The following MARCHF3 variants were observed in gnomAD, a reference collection of about 807,000 sequenced individuals.
The protein encoded by MARCHF3 is E3 ubiquitin-protein ligase MARCHF3.
In MARCHF3, 13 loss-of-function variants were observed where a neutral mutation model predicts 24.2. The observed-to-expected ratio is 0.54, with a 90% CI of 0.35 to 0.85. The LOEUF is 0.85. MARCHF3 is among the 40% of genes least tolerant of loss of function. The probability of loss-of-function intolerance (pLI) is 0.01; values close to 1 mark genes in which losing one functional copy is unlikely to be tolerated. For missense variants in MARCHF3, 276 were observed against 325.0 expected (o/e 0.85, Z 1.16); for synonymous variants, 144 against 137.3 (o/e 1.05, Z -0.34).
At chr5:126,950,424 C>T (rs995437167) in intron 1 of MARCHF3, among the ~76,000 whole-genome samples, 4 of 151,634 alleles carry the variant, frequency 2.6e-5, no homozygotes, top group East Asian at 1.9e-4. Context: ...TCCCTATCCT[C>T]ACACTCTCAG....
chr5:127,017,552 T>G (rs1056670689), intron 1 of MARCHF3, among the ~76,000 whole-genome samples: 5 of 152,202 alleles, frequency 3.3e-5, no homozygotes, highest in African/African-American at 1.2e-4. Context: ...AACACTTATA[T>G]TAGCTTACCA....
rs918277446 is a variant in MARCHF3, at chr5:126,947,214, C to T, written c.-56-28987G>A. ...ATGCAACTGGCACTAGATTAGCTGCCGACATTTATTGACAAAGGAATTAAT... is the reference window on the plus strand; with the variant it reads ...ATGCAACTGGCACTAGATTAGCTGCTGACATTTATTGACAAAGGAATTAAT... On this transcript the variant is annotated intron_variant, in intron 1 of 4. Transcript: ENST00000308660. Among the ~76,000 whole-genome samples, 10 of 152,208 alleles carry T rather than the reference C, an allele frequency of 6.6e-5. No homozygotes were observed. In the East Asian group the frequency reaches 9.7e-4, roughly 15 times the overall value.
chr5:126,960,019 T>C (rs997635241), intron 1 of MARCHF3, among the ~76,000 whole-genome samples: 4 of 152,096 alleles, frequency 2.6e-5, no homozygotes, highest in African/African-American at 9.7e-5. Flanking sequence ...GGGTTTGAGT[T>C]AGAGTTTTAG....
At chr5:126,914,192 C>T (rs573871361) in intron 3 of MARCHF3, among the ~76,000 whole-genome samples, 3 of 151,848 alleles carry the variant, frequency 2.0e-5, no homozygotes, top group East Asian at 3.9e-4. Flanking sequence ...ACAGTGTTAG[C>T]CAGGATGGTC....
rs534270669 is a variant in MARCHF3 at position 126,868,787 on chromosome 5, T to A, written c.*1846A>T. 3 of 152,348 alleles carry A rather than the reference T, an allele frequency of 2.0e-5. No homozygotes were observed. The highest frequency in any genetic ancestry group is 4.1e-4 in the South Asian group (2 of 4,824). 9.4% of individuals were successfully genotyped at this position (152,348 alleles called of 1,614,324 possible). ...TATTACAGGGCTGCAATTCACCAGC[T>A]ACCAAGTTGGACTCTTTGCTCTGGA... On this transcript the variant is annotated 3_prime_UTR_variant, in exon 5 of 5. Transcript: ENST00000308660.
chr5:126,898,795 C>G (rs1013644953), intron 3 of MARCHF3: 1 of 938,462 alleles, frequency 1.1e-6, no homozygotes, highest in African/African-American at 1.8e-5. Context: ...GACTTTGAAC[C>G]TCACTACTTA....
chr5:126,916,692 G>GACACACAC (rs34090036), intron 2 of MARCHF3, among the ~76,000 whole-genome samples: 13,096 of 130,264 alleles, frequency 0.1, 971 homozygotes, highest in East Asian at 0.24. Context: ...CAGACAGACA[G>GACACACAC]ACACACACAC....
chr5:126,953,568 T>C (rs946376984), intron 1 of MARCHF3, among the ~76,000 whole-genome samples: 2 of 152,238 alleles, frequency 1.3e-5, no homozygotes, highest in African/African-American at 4.8e-5. Flanking sequence ...CCTCAGAAAT[T>C]TGAAGTAATT....
chr5:126,916,741 AC>A lies in MARCHF3; in HGVS notation c.188+1242del, dbSNP rs140875001. Among the ~76,000 whole-genome samples, 1,407 of 151,006 alleles carry A rather than the reference AC, an allele frequency of 9.3e-3. 16 individuals carry two copies. The highest frequency in any genetic ancestry group is 0.033 in the African/African-American group (1,345 of 41,160). On this transcript the variant is annotated intron_variant, in intron 2 of 4. Coordinates refer to ENST00000308660, the MANE Select transcript of MARCHF3 (RefSeq NM_178450.5). Reference sequence around the variant, plus strand: ...CACACACACACACACACAGAGGCTCACAGGTCTCAACCACATCAACCATAGC... The same window carrying A: ...CACACACACACACACACAGAGGCTCAAGGTCTCAACCACATCAACCATAGC...
intron 3 of MARCHF3, among the ~76,000 whole-genome samples, chr5:126,885,861 C>T (rs763280003): frequency 6.6e-6 from 1 of 151,904 alleles, no homozygotes; most frequent in African/African-American, 2.4e-5. Context: ...CCTGTAGTTT[C>T]GATTCAAACT....
chr5:126,968,279 G>A (rs181535200), intron 1 of MARCHF3, among the ~76,000 whole-genome samples: 62 of 152,304 alleles, frequency 4.1e-4, no homozygotes, highest in African/African-American at 1.4e-3. Flanking sequence ...AGGTCATATG[G>A]TGACTATTGT....
chr5:126,922,797 C>G (rs895662521), intron 1 of MARCHF3, among the ~76,000 whole-genome samples: 1 of 152,156 alleles, frequency 6.6e-6, no homozygotes, highest in Non-Finnish European at 1.5e-5. Flanking sequence ...CCGCCCACCT[C>G]GGCCTCCCAA....
intron 3 of MARCHF3, among the ~76,000 whole-genome samples, chr5:126,901,105 A>G (rs1429888762): frequency 3.9e-5 from 6 of 152,088 alleles, no homozygotes; most frequent in African/African-American, 1.4e-4. Context: ...CAGCTTCCTT[A>G]TCTACAGAAT....
chr5:126,920,260 G>A (rs955852080), intron 1 of MARCHF3, among the ~76,000 whole-genome samples: 1 of 152,068 alleles, frequency 6.6e-6, no homozygotes, highest in African/African-American at 2.4e-5. Context: ...TAAAAACTGA[G>A]TTATGGTAGC....
chr5:126,956,483 C>CA (rs1187460645), intron 1 of MARCHF3, among the ~76,000 whole-genome samples: 9 of 151,062 alleles, frequency 6.0e-5, no homozygotes, highest in East Asian at 1.9e-4. Flanking sequence ...ACTAAAAATA[C>CA]AAAAAAACAA....
intron 3 of MARCHF3, among the ~76,000 whole-genome samples, chr5:126,909,419 C>A (rs1215456166): frequency 2.0e-5 from 3 of 152,248 alleles, no homozygotes; most frequent in African/African-American, 7.2e-5. Flanking sequence ...CTCCCCCAGC[C>A]TCGCTGTCGC....
At chr5:126,925,959 A>G (rs1749281500) in intron 1 of MARCHF3, among the ~76,000 whole-genome samples, 1 of 152,230 alleles carries the variant, frequency 6.6e-6, no homozygotes, top group African/African-American at 2.4e-5. Context: ...AATACAAGAG[A>G]AAAACATCTC....
intron 1 of MARCHF3, among the ~76,000 whole-genome samples, chr5:126,931,911 T>A (rs1026074826): frequency 6.6e-6 from 1 of 152,206 alleles, no homozygotes; most frequent in Non-Finnish European, 1.5e-5. Flanking sequence ...CATGTGAGCG[T>A]TGGAGTTAGA....
intron 3 of MARCHF3, among the ~76,000 whole-genome samples, chr5:126,887,468 A>G (rs1216347956): frequency 1.3e-5 from 2 of 152,376 alleles, no homozygotes; most frequent in South Asian, 2.1e-4. Flanking sequence ...CAAAAGTGCT[A>G]AAGAATCATT....
Sources: gnomAD v4.1 joint callset for allele counts (sites outside exome capture counted in the v4.1 genomes callset) on GRCh38, gnomAD v4.1.1 for gene constraint, MANE v1.5 for transcripts, NCBI Gene and HGNC (gene_info 2026-07-23, HGNC 2026-07-21) for gene names.